CDH12: variants seen among roughly 807,000 people sequenced by gnomAD.
CDH12 encodes cadherin 12, also known as cadherin-12.
In CDH12, 41 loss-of-function variants were observed where a neutral mutation model predicts 74.1. That is an observed-to-expected ratio of 0.55 (90% CI 0.43 to 0.72). The LOEUF (loss-of-function observed/expected upper bound fraction) is 0.72, where lower values mean the gene tolerates loss of function less well. Ranked by LOEUF, CDH12 falls within the 30% of genes least tolerant of loss-of-function variation. The probability of loss-of-function intolerance (pLI) is 0.00; values close to 1 mark genes in which losing one functional copy is unlikely to be tolerated. For synonymous variants in CDH12, 399 were observed against 355.0 expected, an observed-to-expected ratio of 1.12 and a Z score of -1.39; for missense variants, 945 against 977.2, an observed-to-expected ratio of 0.97 and a Z score of 0.44.
intron 1 of CDH12, among the ~76,000 whole-genome samples, chr5:22,831,445 T>G (rs1234678079): frequency 2.0e-5 from 3 of 151,454 alleles, no homozygotes; most frequent in Non-Finnish European, 2.9e-5. Flanking sequence ...GTGAGTGTTA[T>G]GTCTAGGTCT....
intron 3 of CDH12, among the ~76,000 whole-genome samples, chr5:22,377,097 T>C (rs1167058074): frequency 6.6e-6 from 1 of 152,068 alleles, no homozygotes; most frequent in Non-Finnish European, 1.5e-5. Flanking sequence ...TGCTGAATCA[T>C]AGATAGGTGT....
intron 1 of CDH12, among the ~76,000 whole-genome samples, chr5:22,681,735 G>A (rs1045657776): frequency 1.3e-5 from 2 of 151,984 alleles, no homozygotes; most frequent in Non-Finnish European, 2.9e-5. Context: ...CTGAAACATT[G>A]TGATTGTTTC....
In CDH12 at chr5:21,942,221, C is replaced by T. The variant is rs529267220; in HGVS notation, c.526+32870G>A. Among the ~76,000 whole-genome samples, 33 of 151,970 alleles carry T rather than the reference C, an allele frequency of 2.2e-4. 1 individual carries two copies. In the South Asian group the frequency reaches 5.6e-3, roughly 26 times the overall value. ...AGAGAGTAGAAGCTCTTGATCTTCA[C>T]CTATGTGACTCTATTTTAGTCTTTA... On this transcript the variant is annotated intron_variant, in intron 6 of 14. Transcript: ENST00000382254.
At chr5:22,803,503 A>G (rs145444858) in intron 1 of CDH12, among the ~76,000 whole-genome samples, 217 of 152,318 alleles carry the variant, frequency 1.4e-3, no homozygotes, top group African/African-American at 4.9e-3. Flanking sequence ...CAAGTCATAA[A>G]AAATCAGACT....
chr5:22,821,379 G>A (rs1355219543), intron 1 of CDH12, among the ~76,000 whole-genome samples: 1 of 152,066 alleles, frequency 6.6e-6, no homozygotes, highest in East Asian at 1.9e-4. Context: ...TGCAAGTTCT[G>A]GCCAGGGCAA....
chr5:22,823,484 C>T (rs181431363), intron 1 of CDH12, among the ~76,000 whole-genome samples: 120 of 152,160 alleles, frequency 7.9e-4, no homozygotes, highest in African/African-American at 2.7e-3. Flanking sequence ...GATTGTGAGG[C>T]CTCCCCAGCC....
At chr5:21,894,382 GAAAAAAA>G (rs376989106) in intron 6 of CDH12, among the ~76,000 whole-genome samples, 2,648 of 73,466 alleles carry the variant, frequency 0.036, 58 homozygotes, top group South Asian at 0.1. Context: ...CCGTCTCAAA[GAAAAAAA>G]AAAAAAAAAA....
chr5:22,329,810 C>T (rs998806474), intron 3 of CDH12, among the ~76,000 whole-genome samples: 1 of 152,194 alleles, frequency 6.6e-6, no homozygotes, highest in Non-Finnish European at 1.5e-5. Flanking sequence ...TTTGACCAGC[C>T]CTAGCCAGAG....
intron 2 of CDH12, among the ~76,000 whole-genome samples, chr5:22,498,681 G>C (rs1234322152): frequency 6.6e-6 from 1 of 151,762 alleles, no homozygotes; most frequent in Non-Finnish European, 1.5e-5. Context: ...AATCTAGTCT[G>C]CCAATGTTTA....
intron 4 of CDH12, among the ~76,000 whole-genome samples, chr5:22,136,906 T>A (rs1349875174): frequency 6.6e-6 from 1 of 151,684 alleles, no homozygotes; most frequent in South Asian, 2.1e-4. Context: ...GAATAAATAA[T>A]TAAATAAATT....
At chr5:22,651,190 A>G (rs1201150021) in intron 1 of CDH12, among the ~76,000 whole-genome samples, 1 of 152,010 alleles carries the variant, frequency 6.6e-6, no homozygotes, top group East Asian at 1.9e-4. Flanking sequence ...AGACTTCTCT[A>G]GCTACTTTAT....
At chr5:22,771,913 G>GATAT (rs1365564922) in intron 1 of CDH12, among the ~76,000 whole-genome samples, 1 of 151,856 alleles carries the variant, frequency 6.6e-6, no homozygotes, top group Non-Finnish European at 1.5e-5. Context: ...TTGTGTATAT[G>GATAT]ATATATATAA....
At chr5:22,754,267 C>T (rs2127040419) in intron 1 of CDH12, among the ~76,000 whole-genome samples, 1 of 152,272 alleles carries the variant, frequency 6.6e-6, no homozygotes, top group South Asian at 2.1e-4. Context: ...AGAGACGACA[C>T]TTTCGTGTTC....
chr5:22,055,531 C>G (rs1740675488), intron 5 of CDH12, among the ~76,000 whole-genome samples: 1 of 151,996 alleles, frequency 6.6e-6, no homozygotes, highest in Non-Finnish European at 1.5e-5. Context: ...GAACTCTCCC[C>G]TAGGAAGCTT....
intron 6 of CDH12, among the ~76,000 whole-genome samples, chr5:21,967,300 C>T (rs1344590245): frequency 6.6e-6 from 1 of 152,024 alleles, no homozygotes; most frequent in Non-Finnish European, 1.5e-5. Context: ...CTTTTGTGTA[C>T]AAAATATAAA....
chr5:22,626,949 A>G (rs1580829912), intron 1 of CDH12, among the ~76,000 whole-genome samples: 1 of 152,376 alleles, frequency 6.6e-6, no homozygotes, highest in Non-Finnish European at 1.5e-5. Context: ...TAAGAATTTC[A>G]TAATACAATT....
intron 1 of CDH12, among the ~76,000 whole-genome samples, chr5:22,725,973 CAG>C (rs1744144354): frequency 6.6e-6 from 1 of 151,612 alleles, no homozygotes; most frequent in African/African-American, 2.4e-5. Context: ...GGGGAGAATA[CAG>C]AGTTTTCTGT....
chr5:22,526,327 C>A (rs1737279376), intron 1 of CDH12, among the ~76,000 whole-genome samples: 1 of 151,942 alleles, frequency 6.6e-6, no homozygotes, highest in South Asian at 2.1e-4. Context: ...GGTAATAGAC[C>A]AGTTTGATAT....
chr5:21,813,581 T>G (rs1447234239), intron 9 of CDH12, among the ~76,000 whole-genome samples: 1 of 152,180 alleles, frequency 6.6e-6, no homozygotes, highest in East Asian at 1.9e-4. Context: ...ATTCAACATC[T>G]TTGCCTGGTC....
Sources: gnomAD v4.1 joint callset for allele counts (sites outside exome capture counted in the v4.1 genomes callset) on GRCh38, gnomAD v4.1.1 for gene constraint, MANE v1.5 for transcripts, NCBI Gene and HGNC (gene_info 2026-07-23, HGNC 2026-07-21) for gene names.